The following IMPG1 variants were observed in gnomAD, a reference collection of about 807,000 sequenced individuals.
IMPG1 encodes interphotoreceptor matrix proteoglycan of 150 kDa.
In IMPG1, 85 loss-of-function variants were observed where a neutral mutation model predicts 92.0. The ratio of observed to expected loss-of-function variants is 0.92; its 90% CI spans 0.78 to 1.11. IMPG1 has a LOEUF of 1.11. Ranked by LOEUF, IMPG1 falls within the 50% of genes least tolerant of loss-of-function variation. The probability of loss-of-function intolerance (pLI) is 0.00; values close to 1 mark genes in which losing one functional copy is unlikely to be tolerated. For synonymous variants in IMPG1, 367 were observed against 334.1 expected (o/e 1.10, Z -1.08); for missense variants, 1,022 against 956.0 (o/e 1.07, Z -0.91).
At chr6:75,955,708 C>A (rs1327439908) in intron 12 of IMPG1, among the ~76,000 whole-genome samples, 4 of 152,262 alleles carry the variant, frequency 2.6e-5, no homozygotes, top group Admixed American at 6.5e-5. Context: ...CCATCTTTTG[C>A]CCATTCAGTG....
Position 75,930,988 on chromosome 6 carries a change from T to G in IMPG1, c.2208A>C (p.Glu736Asp). ...EPGLCGPGTK[E>D]CEVLQGKGAP... Reference sequence around the variant, plus strand: ...CTCCCTTTCCCTGGAGGACCTCGCATTCCTTTGTGCCAGGGCCACAGAGGC... The same window carrying G: ...CTCCCTTTCCCTGGAGGACCTCGCAGTCCTTTGTGCCAGGGCCACAGAGGC... The change falls in exon 15 of 17, where the codon GAA becomes GAC. Residue 736 changes from glutamate to aspartate, a missense_variant. Glu to Asp is a conservative substitution (Grantham distance 45). Coordinates refer to ENST00000369950, the MANE Select transcript of IMPG1 (RefSeq NM_001563.4). 3 of 1,614,238 alleles carry G rather than the reference T, an allele frequency of 1.9e-6. No individual in the cohort carries two copies. Among genetic ancestry groups the G allele is most frequent in the Non-Finnish European group, 2.5e-6 (3 of 1,180,042 alleles).
chr6:76,041,745 T>C, intron 2 of IMPG1, 148 bp downstream of exon 2: 2 of 626,356 alleles, frequency 3.2e-6, no homozygotes, highest in Admixed American at 2.9e-5. Flanking sequence ...TATTATTCAT[T>C]ACTATCAGAT....
chr6:75,996,365 T>A (rs1289382918), intron 12 of IMPG1, among the ~76,000 whole-genome samples: 11 of 152,200 alleles, frequency 7.2e-5, no homozygotes, highest in Admixed American at 7.2e-4. Flanking sequence ...TCTGAATATG[T>A]ACCTGTATTC....
chr6:76,019,409 T>C (rs567816445), intron 6 of IMPG1, among the ~76,000 whole-genome samples: 7 of 152,314 alleles, frequency 4.6e-5, no homozygotes, highest in Admixed American at 1.3e-4. Flanking sequence ...CTGCGGAAAA[T>C]TGAATATCTC....
At position 76,002,938 on chromosome 6, in the gene IMPG1, C is replaced by T. The variant is rs78195046; in HGVS notation, c.1271G>A (p.Gly424Glu). 7.7e-4 allele frequency: 1,243 copies of T among 1,613,532 alleles called. 18 individuals carry two copies. The East Asian group carries it at 0.023, about 30-fold the overall frequency. Residue 424 changes from glycine to glutamate, a missense_variant, in exon 12 of 17, where the codon GGA becomes GAA. Around this residue, in one of 3 missense-constraint regions of IMPG1, gnomAD observed 681 missense variants for 583.6 expected, o/e 1.17. Transcript: ENST00000369950. ...PVEPQLETVD[G>E]AEHGLPDTSW... is the part of the protein sequence containing the mutation. The stretch of plus-strand genomic sequence containing the variant: ...CTTACCAGGTAGACCATGCTCTGCT[C>T]CGTCCACTGTCTCAAGCTGGGGTTC...
chr6:76,060,366 T>C (rs1049284248), intron 1 of IMPG1, among the ~76,000 whole-genome samples: 4 of 152,186 alleles, frequency 2.6e-5, no homozygotes, highest in African/African-American at 9.6e-5. Flanking sequence ...AGGGAGAATA[T>C]TCTCCGTAAA....
chr6:76,032,162 G>A (rs1193115465), intron 4 of IMPG1, among the ~76,000 whole-genome samples: 1 of 152,156 alleles, frequency 6.6e-6, no homozygotes, highest in Non-Finnish European at 1.5e-5. Flanking sequence ...ATGCTGGCAG[G>A]CACAGGAGTA....
rs1422297549 is a variant in IMPG1, at chr6:76,005,287, C to T, written c.1135G>A (p.Glu379Lys). Residue 379 changes from glutamate to lysine, a missense_variant and splice_region_variant, in exon 10 of 17, where the codon GAA becomes AAA. Around this residue, in one of 3 missense-constraint regions of IMPG1, gnomAD observed 681 missense variants for 583.6 expected, o/e 1.17. Transcript: ENST00000369950. The stretch of plus-strand genomic sequence containing the variant: ...CAGAACTAAGCAATCATTAACTGAC[C>T]ATCAGTGAACTGAATTGTCCCCACA... ...LDVGTIQFTDEIAGSLPAFGP... is the reference protein window; with the variant it reads ...LDVGTIQFTDKIAGSLPAFGP... 4 of 1,613,688 alleles carry T rather than the reference C, an allele frequency of 2.5e-6. No homozygotes were observed. Among genetic ancestry groups the T allele is most frequent in the Non-Finnish European group, 3.4e-6 (4 of 1,179,752 alleles).
intron 12 of IMPG1, among the ~76,000 whole-genome samples, chr6:75,974,438 T>TTCCTTCCC (rs1782498497): frequency 6.9e-6 from 1 of 145,504 alleles, no homozygotes; most frequent in African/African-American, 2.5e-5. Flanking sequence ...GCTTCCTTCC[T>TTCCTTCCC]TCCTTCCTTC....
chr6:75,969,030 C>G (rs1353773330), intron 12 of IMPG1, among the ~76,000 whole-genome samples: 2 of 152,002 alleles, frequency 1.3e-5, no homozygotes, highest in African/African-American at 4.8e-5. Context: ...ATGAATGAAC[C>G]TGTTCAGTGA....
At chr6:76,040,602 A>G (rs904240148) in intron 2 of IMPG1, among the ~76,000 whole-genome samples, 7 of 152,218 alleles carry the variant, frequency 4.6e-5, no homozygotes, top group African/African-American at 1.7e-4. Flanking sequence ...ACCTTAGAAT[A>G]GTAATATAGT....
intron 12 of IMPG1, among the ~76,000 whole-genome samples, chr6:75,989,797 C>T (rs1180537396): frequency 2.6e-5 from 4 of 152,154 alleles, no homozygotes; most frequent in Non-Finnish European, 5.9e-5. Context: ...GAGCTGAGAT[C>T]GCTCCACTGT....
chr6:75,959,890 C>T (rs978039898), intron 12 of IMPG1, among the ~76,000 whole-genome samples: 6 of 152,090 alleles, frequency 3.9e-5, no homozygotes, highest in Non-Finnish European at 7.4e-5. Flanking sequence ...CTCTCGCTGG[C>T]GTTCCAGGCA....
rs556865165 is a variant in IMPG1, at chr6:75,987,901, C to T, written c.1291+15017G>A. Among the ~76,000 whole-genome samples, 3 of 152,322 alleles carry T rather than the reference C, an allele frequency of 2.0e-5. No homozygotes were observed. The East Asian group carries it at 5.8e-4, about 29-fold the overall frequency. ...TGACCTCGTGATCCACCCACCTCGG[C>T]CTCCCAAAGTGCTGGGATTACAGGC... On this transcript the variant is annotated intron_variant, in intron 12 of 16. Transcript: ENST00000369950.
At chr6:75,940,124 A>G (rs766775105) in intron 14 of IMPG1, among the ~76,000 whole-genome samples, 4 of 151,886 alleles carry the variant, frequency 2.6e-5, no homozygotes, top group Non-Finnish European at 5.9e-5. Context: ...TAATTTTTCT[A>G]TTTCCCCATT....
intron 1 of IMPG1, among the ~76,000 whole-genome samples, chr6:76,056,581 ATT>A (rs976900704): frequency 1.3e-5 from 2 of 152,150 alleles, no homozygotes; most frequent in African/African-American, 4.8e-5. Context: ...TGGTAATTCT[ATT>A]TTTAATTTTT....
chr6:75,957,165 G>C lies in IMPG1; in HGVS notation c.1292-6071C>G, dbSNP rs1014512178. On this transcript the variant is annotated intron_variant, in intron 12 of 16. Transcript: ENST00000369950. ...GAACTCCTGACCTCGTGATCCACTC[G>C]CCTCGGCTTCCCAAAGTGCTGGGAT... Among the ~76,000 whole-genome samples, 8 of 152,198 alleles carry C rather than the reference G, an allele frequency of 5.3e-5. No homozygotes were observed. The South Asian group carries it at 1.7e-3, about 32-fold the overall frequency.
chr6:76,024,546 G>A (rs1783489379), intron 5 of IMPG1, among the ~76,000 whole-genome samples: 1 of 152,118 alleles, frequency 6.6e-6, no homozygotes, highest in Admixed American at 6.5e-5. Context: ...GCTGCAATGA[G>A]ACAGGTTCTT....
chr6:76,069,744 TCA>T (rs1784375752), intron 1 of IMPG1, among the ~76,000 whole-genome samples: 1 of 27,222 alleles, frequency 3.7e-5, no homozygotes, highest in South Asian at 1.2e-3. Flanking sequence ...CATTGGTTGA[TCA>T]AAAAAAAAAA....
Sources: gnomAD v4.1 joint callset for allele counts (sites outside exome capture counted in the v4.1 genomes callset) on GRCh38, gnomAD v4.1.1 for gene constraint, gnomAD v4.1.1 regional missense constraint, MANE v1.5 for transcripts, NCBI Gene and HGNC (gene_info 2026-07-23, HGNC 2026-07-21) for gene names.